TDRD7: variants seen among roughly 807,000 people sequenced by gnomAD.
The protein encoded by TDRD7 is tudor domain-containing protein 7.
In TDRD7, 47 loss-of-function variants were observed where a neutral mutation model predicts 109.8. That is an observed-to-expected ratio of 0.43 (90% CI 0.34 to 0.55). The LOEUF (loss-of-function observed/expected upper bound fraction) is 0.55, where lower values mean the gene tolerates loss of function less well. TDRD7 is among the 20% of genes least tolerant of loss of function. The pLI, the probability that TDRD7 is intolerant of heterozygous loss-of-function variation, is 0.03. For missense variants in TDRD7, 1,164 were observed against 1,319.2 expected (o/e 0.88, Z 1.82); for synonymous variants, 424 against 457.3 (o/e 0.93, Z 0.93).
chr9:97,441,613 A>G (rs775618050), intron 5 of TDRD7, 45 bp from the exon 6 acceptor site: 15 of 1,495,350 alleles, frequency 1.0e-5, no homozygotes, highest in Non-Finnish European at 1.2e-5. Context: ...GATAATCTAA[A>G]ATGTTAAGCA....
intron 6 of TDRD7, among the ~76,000 whole-genome samples, chr9:97,451,518 T>C (rs2118430882): frequency 6.6e-6 from 1 of 152,328 alleles, no homozygotes; most frequent in East Asian, 1.9e-4. Context: ...CAACTATTAG[T>C]CTGAAGTGAG....
chr9:97,439,501 G>T (rs1429855960), intron 5 of TDRD7, among the ~76,000 whole-genome samples, 183 bp downstream of exon 5: 1 of 152,086 alleles, frequency 6.6e-6, no homozygotes, highest in African/African-American at 2.4e-5. Context: ...GCCTCCCAAA[G>T]ATATCATTAT....
chr9:97,466,794 G>A (rs1203062040), intron 8 of TDRD7, among the ~76,000 whole-genome samples: 1 of 152,186 alleles, frequency 6.6e-6, no homozygotes, highest in Non-Finnish European at 1.5e-5. Flanking sequence ...ACAGGAGGTG[G>A]AGGGGGGCTA....
chr9:97,419,463 G>A (rs906144033), intron 1 of TDRD7, among the ~76,000 whole-genome samples: 1 of 152,170 alleles, frequency 6.6e-6, no homozygotes, highest in African/African-American at 2.4e-5. Context: ...ACTATTTTCC[G>A]TGTCATCAGT....
In TDRD7 at chr9:97,428,661, A is replaced by G. The variant is rs1037050997; in HGVS notation, c.196A>G (p.Arg66Gly). The stretch of plus-strand genomic sequence containing the variant: ...AGCAGTGGTCAGGATAGAGACTAGT[A>G]GATCTGGAGAGGTAAGAAGGTAATT... ...VPAVVRIETS[R>G]SGEITCYAMA... is the part of the protein sequence containing the mutation. Residue 66 changes from arginine to glycine, a missense_variant, in exon 2 of 17, where the codon AGA becomes GGA. Transcript: ENST00000355295. 6.2e-7 allele frequency: 1 copy of G among 1,613,676 alleles called. No individual in the cohort carries two copies. Among genetic ancestry groups the G allele is most frequent in the Non-Finnish European group, 8.5e-7 (1 of 1,179,876 alleles).
intron 16 of TDRD7, among the ~76,000 whole-genome samples, chr9:97,492,686 C>G (rs1829327394): frequency 6.6e-6 from 1 of 152,134 alleles, no homozygotes. Flanking sequence ...CTGTTGGGTC[C>G]CATCCATGTC....
chr9:97,424,577 CTCTT>C (rs1221954203), intron 1 of TDRD7, among the ~76,000 whole-genome samples: 1 of 152,140 alleles, frequency 6.6e-6, no homozygotes, highest in Non-Finnish European at 1.5e-5. Flanking sequence ...TGTAATGTCT[CTCTT>C]TATCTCTGAT....
chr9:97,420,649 C>T (rs1441851662), intron 1 of TDRD7, among the ~76,000 whole-genome samples: 1 of 152,068 alleles, frequency 6.6e-6, no homozygotes, highest in Non-Finnish European at 1.5e-5. Context: ...CACTGTATGG[C>T]GCTACTAGTT....
chr9:97,493,796 C>A (rs999206024), intron 16 of TDRD7, among the ~76,000 whole-genome samples: 2 of 152,196 alleles, frequency 1.3e-5, no homozygotes, highest in Admixed American at 1.3e-4. Context: ...ATGTTCCTTG[C>A]TGAGAAAAAG....
At chr9:97,458,145 C>T (rs1362844464) in intron 6 of TDRD7, among the ~76,000 whole-genome samples, 1 of 152,050 alleles carries the variant, frequency 6.6e-6, no homozygotes, top group Admixed American at 6.5e-5. Context: ...TATAATGAAC[C>T]TATATAATGG....
At chr9:97,481,274 A>C (rs938526282) in intron 14 of TDRD7, among the ~76,000 whole-genome samples, 31 of 152,220 alleles carry the variant, frequency 2.0e-4, no homozygotes, top group Non-Finnish European at 4.6e-4. Flanking sequence ...CTCTTGATAA[A>C]TGTTTCTAAA....
intron 6 of TDRD7, among the ~76,000 whole-genome samples, chr9:97,446,310 C>T (rs1454777227): frequency 6.6e-6 from 1 of 152,178 alleles, no homozygotes; most frequent in East Asian, 1.9e-4. Context: ...TAGATGCACT[C>T]AGCTAAGGAG....
chr9:97,490,909 C>CTTTTTTTTTTTTTTTTT (rs1174656625), intron 16 of TDRD7, among the ~76,000 whole-genome samples: 4 of 77,650 alleles, frequency 5.2e-5, no homozygotes, highest in African/African-American at 1.6e-4. Flanking sequence ...CTTTTCTTTT[C>CTTTTTTTTTTTTTTTTT]TTTTTTTTTT....
At chr9:97,435,412 T>A (rs1828177051) in intron 4 of TDRD7, among the ~76,000 whole-genome samples, 2 of 151,544 alleles carry the variant, frequency 1.3e-5, no homozygotes, top group Admixed American at 6.6e-5. Context: ...GGAGGATCTC[T>A]TGAGACCAGG....
chr9:97,475,560 C>T, intron 12 of TDRD7, 91 bp downstream of exon 12: 1 of 869,686 alleles, frequency 1.1e-6, no homozygotes, highest in East Asian at 2.6e-5. Flanking sequence ...TGAATAAATA[C>T]TCACAGACTC....
In TDRD7 at chr9:97,495,895, G is replaced by C. The variant is rs1271333262; in HGVS notation, c.*12G>C. On this transcript the variant is annotated 3_prime_UTR_variant, in exon 17 of 17. Transcript: ENST00000355295. ...CAAAAGTTAATTAATGACTGCCTCT[G>C]AAACCTTGACAACTAATTCAGATTT... The C allele has an allele frequency of 6.2e-7, 1 of 1,607,392 alleles. No individual in the cohort carries two copies. Among genetic ancestry groups the C allele is most frequent in the Non-Finnish European group, 8.5e-7 (1 of 1,174,344 alleles).
At chr9:97,425,714 G>A (rs1223745009) in intron 1 of TDRD7, among the ~76,000 whole-genome samples, 1 of 152,140 alleles carries the variant, frequency 6.6e-6, no homozygotes, top group Non-Finnish European at 1.5e-5. Context: ...GTTGGTCCTG[G>A]TGATAATAAT....
chr9:97,436,197 A>G (rs532014750), intron 4 of TDRD7, among the ~76,000 whole-genome samples: 22 of 152,314 alleles, frequency 1.4e-4, no homozygotes, highest in African/African-American at 4.6e-4. Context: ...CTCTAAACAG[A>G]TTATAATAAT....
At chr9:97,474,559 T>C (rs1010385886) in intron 11 of TDRD7, among the ~76,000 whole-genome samples, 1 of 152,196 alleles carries the variant, frequency 6.6e-6, no homozygotes, top group Non-Finnish European at 1.5e-5. Context: ...CCGAATCAGC[T>C]TAAACCCGCA....
Sources: gnomAD v4.1 joint callset for allele counts (sites outside exome capture counted in the v4.1 genomes callset) on GRCh38, gnomAD v4.1.1 for gene constraint, MANE v1.5 for transcripts, NCBI Gene and HGNC (gene_info 2026-07-23, HGNC 2026-07-21) for gene names.